Variants in VAPB observed in about 807,000 individuals in gnomAD.
VAPB encodes VAMP associated protein B and C.
In VAPB, 7 loss-of-function variants were observed where a neutral mutation model predicts 25.6. The observed-to-expected ratio is 0.27, with a 90% CI of 0.16 to 0.51. The LOEUF (loss-of-function observed/expected upper bound fraction) is 0.51. VAPB is among the 20% of genes least tolerant of loss of function. The pLI is 0.97. For missense variants in VAPB, 266 were observed against 301.3 expected, an observed-to-expected ratio of 0.88 and a Z score of 0.87; for synonymous variants, 112 against 109.2, an observed-to-expected ratio of 1.03 and a Z score of -0.16.
intron 4 of VAPB, chr20:58,440,082 A>G (rs754781763): frequency 6.6e-6 from 1 of 152,056 alleles, no homozygotes; most frequent in Non-Finnish European, 1.5e-5. Flanking sequence ...CTTTAAGTGG[A>G]TAGTGGTCAT....
chr20:58,401,668 C>G (rs576394346), intron 1 of VAPB, among the ~76,000 whole-genome samples: 2 of 152,146 alleles, frequency 1.3e-5, no homozygotes, highest in East Asian at 1.9e-4. Context: ...TTCCCTGTTT[C>G]TCTCAGATTT....
In VAPB at chr20:58,446,968, G is replaced by A. The variant is rs533186435; in HGVS notation, c.*2733G>A. 1.3e-5 allele frequency: 6 copies of A among 454,128 alleles called. No homozygotes were observed. Among genetic ancestry groups the A allele is most frequent in the African/African-American group, 8.0e-5 (4 of 50,128 alleles). The allele number at this position is 454,128 out of a possible 1,614,324, so 28.1% of individuals were successfully genotyped here. ...GGGGCCTGTCACAACGGCCTGCCCT[G>A]CCCCAAGAGGGTTAAGAGTCAGATA... On this transcript the variant is annotated 3_prime_UTR_variant, in exon 6 of 6. Transcript: ENST00000475243.
intron 3 of VAPB, among the ~76,000 whole-genome samples, chr20:58,437,480 C>A (rs1486204689): frequency 2.6e-5 from 4 of 152,172 alleles, no homozygotes; most frequent in African/African-American, 9.7e-5. Flanking sequence ...CCAGCTCTCT[C>A]CACTGTCATA....
At position 58,445,002 on chromosome 20, in the gene VAPB, ATGC is replaced by A. The variant is rs1442287556; in HGVS notation, c.*771_*773del. On this transcript the variant is annotated 3_prime_UTR_variant, in exon 6 of 6. Coordinates refer to ENST00000475243, the MANE Select transcript of VAPB (RefSeq NM_004738.5). ...TCTTATTGTCACAAGAGTACAGTTA[ATGC>A]TGCGTGCTGCTGAACTCTGTTGGGT... 4 of 454,644 alleles carry A rather than the reference ATGC, an allele frequency of 8.8e-6. No individual in the cohort carries two copies. Among genetic ancestry groups the A allele is most frequent in the Non-Finnish European group, 1.8e-5 (4 of 226,800 alleles). The allele number at this position is 454,644 out of a possible 1,614,324, so 28.2% of individuals were successfully genotyped here. A position where few individuals can be genotyped will look rare whatever the true frequency, so the allele number is the denominator to read the frequency against.
intron 1 of VAPB, 81 bp downstream of exon 1, chr20:58,389,598 C>G (rs1987734584): frequency 6.2e-6 from 9 of 1,443,688 alleles, no homozygotes; most frequent in Non-Finnish European, 8.4e-6. Context: ...CGGCGGGTGA[C>G]GTCGGCCCTC....
Position 58,438,713 on chromosome 20 carries a change from G to A in VAPB, c.316-232G>A, listed in dbSNP as rs1989097763. ...ATGGGGAGCATTGGTTGACTTTGAGGAGTCAGGCAGCAAGACTTCAGGGTT... is the reference window on the plus strand; with the variant it reads ...ATGGGGAGCATTGGTTGACTTTGAGAAGTCAGGCAGCAAGACTTCAGGGTT... On this transcript the variant is annotated intron_variant, in intron 3 of 5. Transcript: ENST00000475243. Among the ~76,000 whole-genome samples, 4 of 152,222 alleles carry A rather than the reference G, an allele frequency of 2.6e-5. No homozygotes were observed. The South Asian group carries it at 8.3e-4, about 32-fold the overall frequency.
Position 58,447,318 on chromosome 20 carries a change from T to C in VAPB, c.*3083T>C, listed in dbSNP as rs1394792294. 1 of 454,110 alleles carries C rather than the reference T, an allele frequency of 2.2e-6. No homozygotes were observed. Among genetic ancestry groups the C allele is most frequent in the Non-Finnish European group, 4.4e-6 (1 of 226,794 alleles). 28.1% of individuals were successfully genotyped at this position (454,110 alleles called of 1,614,324 possible). A position where few individuals can be genotyped will look rare whatever the true frequency, so the allele number is the denominator to read the frequency against. On this transcript the variant is annotated 3_prime_UTR_variant, in exon 6 of 6. Transcript: ENST00000475243. ...TAGGTGTGAGGAACTGGCTTTAACT[T>C]TTTTCTCCTCCTAGTTTGCATGTTT...
In VAPB at chr20:58,389,494, C is replaced by A; in HGVS notation, c.35C>A (p.Pro12Gln). 6.3e-7 allele frequency: 1 copy of A among 1,594,402 alleles called. No individual in the cohort carries two copies. The highest frequency in any genetic ancestry group is 8.5e-7 in the Non-Finnish European group (1 of 1,171,434). ...AKVEQVLSLEPQHELKFRGPF... is the reference protein window; with the variant it reads ...AKVEQVLSLEQQHELKFRGPF... The stretch of plus-strand genomic sequence containing the variant: ...GTGGAGCAGGTCCTGAGCCTCGAGC[C>A]GCAGCACGAGCTCAAATTCCGAGGT... Residue 12 changes from proline (P) to glutamine (Q), a missense_variant, in exon 1 of 6, where the codon CCG becomes CAG. By Grantham distance (76) the Pro-to-Gln change is moderately conservative (BLOSUM62 -1). Coordinates refer to ENST00000475243, the MANE Select transcript of VAPB (RefSeq NM_004738.5).
At chr20:58,434,027 A>AG (rs768908307) in intron 2 of VAPB, among the ~76,000 whole-genome samples, 3 of 152,088 alleles carry the variant, frequency 2.0e-5, no homozygotes, top group African/African-American at 4.8e-5. Context: ...CTAGGTTCTT[A>AG]GGGAAAAAAA....
chr20:58,414,940 G>A (rs1343169483), intron 1 of VAPB, among the ~76,000 whole-genome samples: 1 of 152,272 alleles, frequency 6.6e-6, no homozygotes, highest in South Asian at 2.1e-4. Flanking sequence ...GCACCACCGA[G>A]CACTGAGTGA....
In VAPB at chr20:58,398,808, G is replaced by A. The variant is rs533066518; in HGVS notation, c.58+9291G>A. Among the ~76,000 whole-genome samples the A allele has an allele frequency of 4.0e-5, 6 of 151,622 alleles. No homozygotes were observed. The South Asian group carries it at 1.3e-3, about 32-fold the overall frequency. On this transcript the variant is annotated intron_variant, in intron 1 of 5. Coordinates refer to ENST00000475243, the MANE Select transcript of VAPB (RefSeq NM_004738.5). ...ACCCAAGTTATGAACCTGACTGAGGGTTGGAGCTGGGATTTGAATCAAGAT... is the reference window on the plus strand; with the variant it reads ...ACCCAAGTTATGAACCTGACTGAGGATTGGAGCTGGGATTTGAATCAAGAT...
intron 5 of VAPB, among the ~76,000 whole-genome samples, chr20:58,443,408 T>TG (rs1989204448): frequency 6.7e-6 from 1 of 149,620 alleles, no homozygotes; most frequent in Admixed American, 6.6e-5. Flanking sequence ...GTTTTTTTTT[T>TG]TTTTTTTTTT....
At chr20:58,434,478 C>T (rs1212899958) in intron 2 of VAPB, 124 bp from the exon 3 acceptor site, 2 of 686,398 alleles carry the variant, frequency 2.9e-6, no homozygotes, top group East Asian at 2.8e-5. Context: ...TCACCAGGGG[C>T]GTCCATCCTA....
chr20:58,409,328 A>G (rs1381633563), intron 1 of VAPB, among the ~76,000 whole-genome samples: 1 of 152,214 alleles, frequency 6.6e-6, no homozygotes, highest in Non-Finnish European at 1.5e-5. Context: ...TTTAATGTAA[A>G]TAGACTGTCA....
chr20:58,394,209 T>G (rs1698928738), intron 1 of VAPB, among the ~76,000 whole-genome samples: 1 of 152,214 alleles, frequency 6.6e-6, no homozygotes, highest in African/African-American at 2.4e-5. Flanking sequence ...ACTTGGACAC[T>G]CTAAATGATA....
rs570031315 is a variant in VAPB at position 58,389,835 on chromosome 20, C to A, written c.58+318C>A. On this transcript the variant is annotated intron_variant, in intron 1 of 5. Coordinates refer to ENST00000475243, the MANE Select transcript of VAPB (RefSeq NM_004738.5). ...GATCCTCTCTAGTGTGAGCCTCCGCCGCTGCCTTTGCCTAGAAGTTTCTTC... is the reference window on the plus strand; with the variant it reads ...GATCCTCTCTAGTGTGAGCCTCCGCAGCTGCCTTTGCCTAGAAGTTTCTTC... 9.3e-4 allele frequency among the ~76,000 whole-genome samples: 142 copies of A among 152,318 alleles called. 1 individual carries two copies. Among genetic ancestry groups the A allele is most frequent in the Middle Eastern group, 3.4e-3 (1 of 294 alleles).
intron 4 of VAPB, 195 bp downstream of exon 4, chr20:58,439,220 A>G (rs1989110984): frequency 1.7e-6 from 1 of 594,676 alleles, no homozygotes; most frequent in Middle Eastern, 4.5e-4. Context: ...CGGAAAGACA[A>G]CTGATTGACA....
chr20:58,389,472 G>C lies in VAPB; in HGVS notation c.13G>C (p.Glu5Gln). 6.3e-7 allele frequency: 1 copy of C among 1,597,150 alleles called. No individual in the cohort carries two copies. The highest frequency in any genetic ancestry group is 1.7e-5 in the Admixed American group (1 of 58,336). ...GCCGCTAAGGAACATGGCGAAGGTG[G>C]AGCAGGTCCTGAGCCTCGAGCCGCA... The part of the protein sequence containing the change: MAKV[E>Q]QVLSLEPQHE... The change falls in exon 1 of 6, where the codon GAG becomes CAG. Residue 5 changes from glutamate (E) to glutamine (Q), a missense_variant. Glu to Gln is a conservative substitution (Grantham distance 29). Transcript: ENST00000475243.
Position 58,389,268 on chromosome 20 carries a change from G to A in VAPB, c.-192G>A. 1 of 683,574 alleles carries A rather than the reference G, an allele frequency of 1.5e-6. No individual in the cohort carries two copies. Among genetic ancestry groups the A allele is most frequent in the Non-Finnish European group, 2.6e-6 (1 of 381,664 alleles). 42.3% of individuals were successfully genotyped at this position (683,574 alleles called of 1,614,324 possible). ...CGCCGGGCACCGCGGCCTCGCCCTC[G>A]CCCTCCGCCCCTGCGCCTGCACCGC... On this transcript the variant is annotated 5_prime_UTR_variant, in exon 1 of 6. Coordinates refer to ENST00000475243, the MANE Select transcript of VAPB (RefSeq NM_004738.5).
Sources: gnomAD v4.1 joint callset for allele counts (sites outside exome capture counted in the v4.1 genomes callset) on GRCh38, gnomAD v4.1.1 for gene constraint, MANE v1.5 for transcripts, NCBI Gene and HGNC (gene_info 2026-07-23, HGNC 2026-07-21) for gene names.